Variants in DOCK7 observed in about 807,000 individuals in gnomAD.
The protein encoded by DOCK7 is dedicator of cytokinesis protein 7.
Under a neutral mutation model 271.0 loss-of-function variants are expected in DOCK7, and 138 were observed. The observed-to-expected ratio is 0.51, with a 90% confidence interval of 0.44 to 0.59. DOCK7 has a LOEUF of 0.59. Among genes scored for constraint, DOCK7 ranks in the 20% least tolerant of loss-of-function variants. The pLI is 0.00. For missense variants in DOCK7, 2,066 were observed against 2,592.4 expected (o/e 0.80, Z 4.41); for synonymous variants, 823 against 876.1 (o/e 0.94, Z 1.07).
intron 23 of DOCK7, 105 bp from the exon 24 acceptor site, chr1:62,543,850 G>T: frequency 2.6e-6 from 2 of 757,166 alleles, no homozygotes; most frequent in South Asian, 2.7e-5. Context: ...TTTTATTATG[G>T]TTTCAAAAAC....
chr1:62,661,726 A>G (rs1395313326), intron 2 of DOCK7, among the ~76,000 whole-genome samples: 1 of 152,168 alleles, frequency 6.6e-6, no homozygotes, highest in Non-Finnish European at 1.5e-5. Flanking sequence ...CCAGAACAAG[A>G]AGGCCATAAA....
chr1:62,608,172 T>C (rs896448685), intron 14 of DOCK7: 1 of 152,212 alleles, frequency 6.6e-6, no homozygotes, highest in African/African-American at 2.4e-5. Context: ...TCCTGTGAAC[T>C]TGCACGTCCC....
At chr1:62,626,197 G>GC (rs1462994221) in intron 11 of DOCK7, among the ~76,000 whole-genome samples, 2 of 152,132 alleles carry the variant, frequency 1.3e-5, no homozygotes, top group African/African-American at 2.4e-5. Flanking sequence ...GTATGAAAAT[G>GC]CAAGAACAAC....
At chr1:62,489,609 G>T (rs1306774167) in intron 41 of DOCK7, among the ~76,000 whole-genome samples, 3 of 152,058 alleles carry the variant, frequency 2.0e-5, no homozygotes, top group Non-Finnish European at 2.9e-5. Context: ...GTGTATGTGT[G>T]TGTATATTAA....
chr1:62,456,004 G>A (rs547615290), intron 49 of DOCK7, among the ~76,000 whole-genome samples: 3 of 152,258 alleles, frequency 2.0e-5, no homozygotes, highest in Admixed American at 2.0e-4. Context: ...AAAATGATCT[G>A]CAAGAAGCTT....
chr1:62,609,053 G>A (rs1295169947), intron 14 of DOCK7: 4 of 152,048 alleles, frequency 2.6e-5, no homozygotes, highest in Admixed American at 2.0e-4. Context: ...GTACTACTGA[G>A]TGATTATCAA....
chr1:62,501,309 A>T (rs1571312112), intron 37 of DOCK7, among the ~76,000 whole-genome samples: 1 of 152,330 alleles, frequency 6.6e-6, no homozygotes, highest in East Asian at 1.9e-4. Flanking sequence ...TCATTTTACA[A>T]CTAAGACTAC....
At chr1:62,485,512 C>T in intron 43 of DOCK7, 1 of 985,380 alleles carries the variant, frequency 1.0e-6, no homozygotes, top group Non-Finnish European at 1.2e-6. Context: ...TTCTACAATG[C>T]ACAGATTATC....
intron 18 of DOCK7, among the ~76,000 whole-genome samples, chr1:62,570,623 C>A (rs1273564126): frequency 6.6e-6 from 1 of 151,960 alleles, no homozygotes; most frequent in Non-Finnish European, 1.5e-5. Context: ...AAAGAACAAA[C>A]CTGGAGGCAT....
At chr1:62,516,334 C>T (rs1218133710) in intron 31 of DOCK7, among the ~76,000 whole-genome samples, 4 of 152,116 alleles carry the variant, frequency 2.6e-5, no homozygotes, top group African/African-American at 4.8e-5. Context: ...GTATCCAGAA[C>T]AGTCTCAACC....
At chr1:62,502,515 T>G (rs1288687944) in intron 37 of DOCK7, among the ~76,000 whole-genome samples, 1 of 152,198 alleles carries the variant, frequency 6.6e-6, no homozygotes, top group Non-Finnish European at 1.5e-5. Context: ...TGGGTAGTGT[T>G]GAGCTTTGGA....
chr1:62,512,581 T>C (rs543639911), intron 33 of DOCK7, among the ~76,000 whole-genome samples: 2 of 152,208 alleles, frequency 1.3e-5, no homozygotes, highest in Non-Finnish European at 2.9e-5. Context: ...ATTTTTGCCT[T>C]ATATACAGGG....
chr1:62,649,742 T>C (rs1212450584), intron 4 of DOCK7, among the ~76,000 whole-genome samples: 2 of 152,326 alleles, frequency 1.3e-5, no homozygotes, highest in Admixed American at 1.3e-4. Flanking sequence ...GACTTGTTTC[T>C]TAGCATTCTC....
In DOCK7 at chr1:62,465,479, T is replaced by C. The variant is rs1437020055; in HGVS notation, c.6213-7774A>G. ...TATATGAATCCAGTGTAAAGAACAC[T>C]GTAAAAAAAAAAAAAATTTGTAAGC... is the stretch of plus-strand genomic sequence containing the variant. On this transcript the variant is annotated intron_variant, in intron 48 of 49. Transcript: ENST00000635253. Among the ~76,000 whole-genome samples, 6 of 8,278 alleles carry C rather than the reference T, an allele frequency of 7.2e-4. No homozygotes were observed. The Admixed American group carries it at 0.012, about 17-fold the overall frequency. 5.4% of individuals were successfully genotyped at this position (8,278 alleles called of 152,430 possible).
chr1:62,501,151 C>T (rs562527450), intron 37 of DOCK7, among the ~76,000 whole-genome samples: 1 of 152,256 alleles, frequency 6.6e-6, no homozygotes, highest in South Asian at 2.1e-4. Flanking sequence ...AGTTCAAGAC[C>T]AGACTGGGCA....
chr1:62,665,203 G>A (rs896423388), intron 1 of DOCK7, among the ~76,000 whole-genome samples: 20 of 152,108 alleles, frequency 1.3e-4, no homozygotes, highest in Middle Eastern at 3.4e-3. Context: ...TGACCAGGCT[G>A]GTCTCGAACT....
chr1:62,456,076 T>C lies in DOCK7; in HGVS notation c.6381-620A>G, dbSNP rs1468587756. ...GCCTATGTTCTCACATGTGCTTCTA[T>C]AGTCAATCTTTTCCAATGTCACATC... On this transcript the variant is annotated intron_variant, in intron 49 of 49. Coordinates refer to ENST00000635253, the MANE Select transcript of DOCK7 (RefSeq NM_001367561.1). Among the ~76,000 whole-genome samples the C allele has an allele frequency of 2.6e-5, 4 of 152,226 alleles. No homozygotes were observed. In the East Asian group the frequency reaches 5.8e-4, roughly 22 times the overall value.
chr1:62,639,426 CTTT>C (rs386367151), intron 7 of DOCK7, among the ~76,000 whole-genome samples: 6 of 75,880 alleles, frequency 7.9e-5, no homozygotes, highest in South Asian at 5.5e-4. Flanking sequence ...TTGTAATACT[CTTT>C]TTTTTTTTTT....
intron 14 of DOCK7, among the ~76,000 whole-genome samples, chr1:62,590,142 T>C (rs1193075089): frequency 6.6e-6 from 1 of 151,878 alleles, no homozygotes; most frequent in Non-Finnish European, 1.5e-5. Context: ...ACTGAAAAAA[T>C]TCAACGGGAT....
Sources: gnomAD v4.1 joint callset for allele counts (sites outside exome capture counted in the v4.1 genomes callset) on GRCh38, gnomAD v4.1.1 for gene constraint, MANE v1.5 for transcripts, NCBI Gene and HGNC (gene_info 2026-07-23, HGNC 2026-07-21) for gene names.